The following SEC31A variants were observed in gnomAD, a reference collection of about 807,000 sequenced individuals.
SEC31A encodes protein transport protein Sec31A.
A neutral mutation model predicts 151.0 loss-of-function variants in SEC31A; 70 were observed. The ratio of observed to expected loss-of-function variants is 0.46; its 90% CI spans 0.38 to 0.57. The LOEUF (loss-of-function observed/expected upper bound fraction) is 0.57. SEC31A is among the 20% of genes least tolerant of loss of function. SEC31A has a pLI of 0.00. For missense variants in SEC31A, 1,330 were observed against 1,471.2 expected (o/e 0.90, Z 1.57); for synonymous variants, 475 against 505.9 (o/e 0.94, Z 0.82).
chr4:82,882,163 G>A (rs1334301956), intron 1 of SEC31A, among the ~76,000 whole-genome samples: 2 of 152,084 alleles, frequency 1.3e-5, no homozygotes, highest in Non-Finnish European at 2.9e-5. Flanking sequence ...CAGCACTTTG[G>A]GAGGCCAAGG....
In SEC31A at chr4:82,856,624, G is replaced by A. The variant is rs370948698; in HGVS notation, c.1881+328C>T. 5.6e-4 allele frequency among the ~76,000 whole-genome samples: 85 copies of A among 151,964 alleles called. 1 individual carries two copies. The highest frequency in any genetic ancestry group is 2.3e-3 in the Admixed American group (35 of 15,270). ...AAATTATCTAAGCATGGTGGCGGAC[G>A]CCTGTAATCCCAGCTACTTGGGAGG... On this transcript the variant is annotated intron_variant, in intron 16 of 26. Coordinates refer to ENST00000395310, the MANE Select transcript of SEC31A (RefSeq NM_001077207.4).
At chr4:82,864,250 C>T in intron 11 of SEC31A, 112 bp downstream of exon 11, 1 of 767,736 alleles carries the variant, frequency 1.3e-6, no homozygotes, top group Non-Finnish European at 2.1e-6. Context: ...TGATGAATTG[C>T]TGAAATCACA....
chr4:82,835,697 A>T (rs984906900), intron 22 of SEC31A, among the ~76,000 whole-genome samples: 17 of 152,142 alleles, frequency 1.1e-4, no homozygotes, highest in African/African-American at 4.1e-4. Flanking sequence ...TGGGATGCTG[A>T]GGCATGAGAA....
At chr4:82,849,692 G>C (rs1420552532) in intron 19 of SEC31A, among the ~76,000 whole-genome samples, 1 of 151,128 alleles carries the variant, frequency 6.6e-6, no homozygotes, top group African/African-American at 2.4e-5. Flanking sequence ...TGAAGAAAAT[G>C]GTGATTTAAG....
At chr4:82,871,864 G>A (rs1413580044) in intron 7 of SEC31A, 80 bp downstream of exon 7, 2 of 1,587,272 alleles carry the variant, frequency 1.3e-6, no homozygotes, top group Admixed American at 1.7e-5. Context: ...GTGTCCTATG[G>A]TGTATTTCTG....
intron 11 of SEC31A, 86 bp downstream of exon 11, chr4:82,864,272 GTTTC>G (rs1488562447): frequency 1.1e-5 from 10 of 913,494 alleles, no homozygotes; most frequent in South Asian, 1.7e-5. Flanking sequence ...TTTTTCAATT[GTTTC>G]TTTAATAGGA....
intron 25 of SEC31A, 86 bp downstream of exon 25, chr4:82,824,469 T>C (rs1724093960): frequency 2.1e-6 from 3 of 1,438,924 alleles, no homozygotes; most frequent in African/African-American, 1.4e-5. Flanking sequence ...CCTCCCAAAG[T>C]GCTGGGATTA....
Position 82,818,858 on chromosome 4 carries a change from G to A in SEC31A, c.*216C>T, listed in dbSNP as rs1351053740. The A allele has an allele frequency of 2.6e-6, 1 of 381,272 alleles. No individual in the cohort carries two copies. Among genetic ancestry groups the A allele is most frequent in the African/African-American group, 2.1e-5 (1 of 48,372 alleles). 23.6% of individuals were successfully genotyped at this position (381,272 alleles called of 1,614,324 possible). On this transcript the variant is annotated 3_prime_UTR_variant, in exon 27 of 27. Coordinates refer to ENST00000395310, the MANE Select transcript of SEC31A (RefSeq NM_001077207.4). ...CAGGAAATACACTATTTGCAGAATA[G>A]GAAAATCATCACTGGCAACAAAAGA...
intron 13 of SEC31A, among the ~76,000 whole-genome samples, chr4:82,862,244 T>C (rs1162114859): frequency 1.4e-5 from 2 of 146,988 alleles, no homozygotes; most frequent in East Asian, 2.0e-4. Context: ...CATTTTTTTT[T>C]TCCTGGCCAA....
At chr4:82,851,688 T>A (rs1026507861) in intron 18 of SEC31A, 84 bp from the exon 19 acceptor site, 1 of 1,185,312 alleles carries the variant, frequency 8.4e-7, no homozygotes, top group African/African-American at 1.5e-5. Flanking sequence ...TTACTAAGAT[T>A]TCTAAAACCC....
intron 22 of SEC31A, among the ~76,000 whole-genome samples, chr4:82,836,585 A>C (rs1325528066): frequency 1.3e-5 from 2 of 152,192 alleles, no homozygotes; most frequent in Non-Finnish European, 1.5e-5. Context: ...AACCTGGAAG[A>C]CATTATGCCA....
chr4:82,853,127 C>G (rs949242082), intron 18 of SEC31A, among the ~76,000 whole-genome samples: 2 of 152,152 alleles, frequency 1.3e-5, no homozygotes, highest in East Asian at 3.8e-4. Context: ...GGGTTGGGGA[C>G]CTCTGCTACA....
chr4:82,872,662 T>A (rs916860407), intron 6 of SEC31A, among the ~76,000 whole-genome samples: 1 of 112,578 alleles, frequency 8.9e-6, no homozygotes, highest in Middle Eastern at 4.0e-3. Flanking sequence ...AAAAATGAGT[T>A]TTACTATCAA....
intron 1 of SEC31A, among the ~76,000 whole-genome samples, chr4:82,883,778 G>A (rs1430469864): frequency 4.6e-5 from 7 of 151,522 alleles, no homozygotes; most frequent in Non-Finnish European, 2.9e-5. Context: ...GCAGTGAGCC[G>A]TGATTGCGCC....
chr4:82,819,854 C>T (rs1452852323), intron 26 of SEC31A, among the ~76,000 whole-genome samples: 1 of 151,928 alleles, frequency 6.6e-6, no homozygotes, highest in Non-Finnish European at 1.5e-5. Flanking sequence ...CTCCGCCTCC[C>T]GGGTTCAAGC....
chr4:82,819,010 A>T lies in SEC31A; in HGVS notation c.*64T>A. The T allele has an allele frequency of 1.3e-5, 15 of 1,170,032 alleles. No individual in the cohort carries two copies. The highest frequency in any genetic ancestry group is 1.5e-5 in the Non-Finnish European group (13 of 855,878). The allele number at this position is 1,170,032 out of a possible 1,614,324, so 72.5% of individuals were successfully genotyped here. On this transcript the variant is annotated 3_prime_UTR_variant, in exon 27 of 27. Transcript: ENST00000395310. ...AATGAGGACTAGTCCATGTCTTATA[A>T]TTTTTTTTTTTAACATGTTTCTTTG... is the stretch of plus-strand genomic sequence containing the variant.
In SEC31A at chr4:82,872,123, T is replaced by C. The variant is rs906863344; in HGVS notation, c.640-37A>G. ...TAAGGTTCACATTTTATGAATCAAA[T>C]TACTTTATGAAAAGCCAAACTACAA... On this transcript the variant is annotated intron_variant, in intron 6 of 26. Coordinates refer to ENST00000395310, the MANE Select transcript of SEC31A (RefSeq NM_001077207.4). The C allele has an allele frequency of 7.1e-6, 11 of 1,543,010 alleles. 1 individual carries two copies. The South Asian group carries it at 1.1e-4, about 16-fold the overall frequency.
chr4:82,881,398 G>GA (rs1329440166), intron 2 of SEC31A, among the ~76,000 whole-genome samples: 8 of 151,974 alleles, frequency 5.3e-5, no homozygotes, highest in Non-Finnish European at 1.2e-4. Context: ...CAGGGAGGTG[G>GA]AGCTTGCAGT....
chr4:82,876,070 A>G (rs1019738508), intron 4 of SEC31A, among the ~76,000 whole-genome samples: 1 of 151,710 alleles, frequency 6.6e-6, no homozygotes, highest in Non-Finnish European at 1.5e-5. Flanking sequence ...ATTAATTTTA[A>G]TGCAAGATAT....
Sources: allele counts gnomAD v4.1 joint callset (sites outside exome capture counted in the v4.1 genomes callset), GRCh38; gene constraint gnomAD v4.1.1; transcripts MANE v1.5; gene names NCBI Gene and HGNC (gene_info 2026-07-23, HGNC 2026-07-21).